Variants in RBM12B observed in about 807,000 individuals in gnomAD.
RBM12B encodes RNA binding motif protein 12B.
A neutral mutation model predicts 34.3 loss-of-function variants in RBM12B; 10 were observed. The observed-to-expected ratio is 0.29, with a 90% confidence interval of 0.18 to 0.49. RBM12B has a LOEUF of 0.49. Ranked by LOEUF, RBM12B falls within the 20% of genes least tolerant of loss-of-function variation. RBM12B has a pLI of 0.99. For synonymous variants in RBM12B, 477 were observed against 437.1 expected (o/e 1.09, Z -1.14); for missense variants, 1,139 against 1,262.7 (o/e 0.90, Z 1.48).
At position 93,733,528 on chromosome 8, in the gene RBM12B, C is replaced by G; in HGVS notation, c.2883G>C (p.Glu961Asp). ...TGGCTTCCCCTGTAGGTAAGCCTTGCTCATTATACTGTATCGAAACTGAAT... is the reference window on the plus strand; with the variant it reads ...TGGCTTCCCCTGTAGGTAAGCCTTGGTCATTATACTGTATCGAAACTGAAT... ...IPDSVSIQYN[E>D]QGLPTGEAIV... The change falls in exon 4 of 4, where the codon GAG (glutamate) becomes GAC (aspartate). Residue 961 changes from glutamate to aspartate, a missense_variant. By Grantham distance (45) the Glu-to-Asp change is conservative. This residue lies in a region of RBM12B where 60 missense variants were observed against 101.0 expected (regional missense o/e 0.59). Coordinates refer to ENST00000520560, the MANE Select transcript of RBM12B (RefSeq NM_001377960.1). The G allele has an allele frequency of 6.2e-7, 1 of 1,612,808 alleles. No homozygotes were observed. The highest frequency in any genetic ancestry group is 8.5e-7 in the Non-Finnish European group (1 of 1,179,124).
chr8:93,733,866 C>T lies in RBM12B; in HGVS notation c.2545G>A (p.Glu849Lys), dbSNP rs1811878502. The T allele has an allele frequency of 6.2e-7, 1 of 1,613,906 alleles. No homozygotes were observed. The highest frequency in any genetic ancestry group is 1.7e-5 in the Admixed American group (1 of 59,990). Residue 849 changes from glutamate to lysine, a missense_variant, in exon 4 of 4, where the codon GAA becomes AAA. Glu to Lys is a moderately conservative substitution (Grantham distance 56). Coordinates refer to ENST00000520560, the MANE Select transcript of RBM12B (RefSeq NM_001377960.1). ...SDEDFRQLPE[E>K]DLREAPEEDP... ...TCCTCCGGAGCTTCCCTAAGGTCTTCCTCTGGGAGCTGCCTGAAGTCCTCA... is the reference window on the plus strand; with the variant it reads ...TCCTCCGGAGCTTCCCTAAGGTCTTTCTCTGGGAGCTGCCTGAAGTCCTCA...
At chr8:93,738,673 G>A (rs1812098605) in intron 2 of RBM12B, among the ~76,000 whole-genome samples, 1 of 152,098 alleles carries the variant, frequency 6.6e-6, no homozygotes, top group Admixed American at 6.6e-5. Context: ...ATGTTGCCCA[G>A]GCTGGTAGGG....
intron 3 of RBM12B, 22 bp from the exon 4 acceptor site, chr8:93,736,460 T>A (rs749657597): frequency 2.7e-6 from 4 of 1,490,346 alleles, no homozygotes. Context: ...AAGGTACACA[T>A]AATAGCAAGT....
Position 93,734,134 on chromosome 8 carries a change from G to C in RBM12B, c.2277C>G (p.Pro759=). 1 of 1,561,244 alleles carries C rather than the reference G, an allele frequency of 6.4e-7. No individual in the cohort carries two copies. The highest frequency in any genetic ancestry group is 8.7e-7 in the Non-Finnish European group (1 of 1,155,906). The change falls in exon 4 of 4, where the codon CCC becomes CCG. Residue 759 remains proline (P), a synonymous_variant. Transcript: ENST00000520560. ...GGGGTGGCCGCCTGAAGTGCTCTGG[G>C]GGTGGCCGCCGGAAGTGCTCTGGGG... The part of the protein sequence containing the change: ...RPPPEHFRRP[P]PEHFRRPPPE...
At position 93,733,285 on chromosome 8, in the gene RBM12B, A is replaced by G; in HGVS notation, c.*120T>C. 2.8e-6 allele frequency: 2 copies of G among 722,674 alleles called. No homozygotes were observed. The highest frequency in any genetic ancestry group is 3.1e-5 in the East Asian group (1 of 32,706). The allele number at this position is 722,674 out of a possible 1,614,324, so 44.8% of individuals were successfully genotyped here. ...TCTACTATTTACATTTGTTCTATTC[A>G]CAGGTCAAAAATAAAATATTTCATT... is the stretch of plus-strand genomic sequence containing the variant. On this transcript the variant is annotated 3_prime_UTR_variant, in exon 4 of 4. Coordinates refer to ENST00000520560, the MANE Select transcript of RBM12B (RefSeq NM_001377960.1).
intron 2 of RBM12B, chr8:93,740,389 A>G (rs1230180602): frequency 2.2e-6 from 1 of 457,316 alleles, no homozygotes; most frequent in Admixed American, 2.3e-5. Flanking sequence ...GCTACGTGGG[A>G]TCCGATGTTG....
intron 2 of RBM12B, among the ~76,000 whole-genome samples, chr8:93,739,847 C>T (rs1391675241): frequency 1.8e-4 from 27 of 152,206 alleles, no homozygotes; most frequent in Admixed American, 1.8e-3. Flanking sequence ...TCCAACGATT[C>T]ATCCCACTTA....
rs1175276817 is a variant in RBM12B, at chr8:93,733,400, T to C, written c.*5A>G. The C allele has an allele frequency of 6.6e-7, 1 of 1,515,378 alleles. No individual in the cohort carries two copies. Among genetic ancestry groups the C allele is most frequent in the Non-Finnish European group, 8.8e-7 (1 of 1,133,316 alleles). The allele number at this position is 1,515,378 out of a possible 1,614,324, so 93.9% of individuals were successfully genotyped here. A position where few individuals can be genotyped will look rare whatever the true frequency, so the allele number is the denominator to read the frequency against. ...AAGATAACTGAATTTAGAAATGCTC[T>C]CTCTCTACAGCAAAGTTAACTTAAC... On this transcript the variant is annotated 3_prime_UTR_variant, in exon 4 of 4. Transcript: ENST00000520560.
rs1440837650 is a variant in RBM12B, at chr8:93,729,986, G to A, written c.*3419C>T. 3 of 152,136 alleles carry A rather than the reference G, an allele frequency of 2.0e-5. No homozygotes were observed. The highest frequency in any genetic ancestry group is 7.2e-5 in the African/African-American group (3 of 41,430). The allele number at this position is 152,136 out of a possible 1,614,324, so 9.4% of individuals were successfully genotyped here. ...ATTTTGGAGTATTTGCATTATACCAGTTCAACATTCCTAACCCAAAAATCT... is the reference window on the plus strand; with the variant it reads ...ATTTTGGAGTATTTGCATTATACCAATTCAACATTCCTAACCCAAAAATCT... On this transcript the variant is annotated 3_prime_UTR_variant, in exon 4 of 4. Coordinates refer to ENST00000520560, the MANE Select transcript of RBM12B (RefSeq NM_001377960.1).
chr8:93,734,885 T>C lies in RBM12B; in HGVS notation c.1526A>G (p.His509Arg). 1 of 1,614,080 alleles carries C rather than the reference T, an allele frequency of 6.2e-7. No individual in the cohort carries two copies. Among genetic ancestry groups the C allele is most frequent in the Non-Finnish European group, 8.5e-7 (1 of 1,179,994 alleles). The change falls in exon 4 of 4, where the codon CAT becomes CGT. Residue 509 changes from histidine (H) to arginine (R), a missense_variant. Around this residue, in one of 3 missense-constraint regions of RBM12B, gnomAD observed 863 missense variants for 869.5 expected, o/e 0.99. Transcript: ENST00000520560. ...SQSRERGDHS[H>R]LFDSKDPPIY... ...TGGTGGGTCTTTTGAGTCAAATAAATGGGAATGGTCACCTCGCTCACGTGA... is the reference window on the plus strand; with the variant it reads ...TGGTGGGTCTTTTGAGTCAAATAAACGGGAATGGTCACCTCGCTCACGTGA...
Position 93,735,591 on chromosome 8 carries a change from T to G in RBM12B, c.820A>C (p.Arg274=), listed in dbSNP as rs1427729752. ...AGAGGGGAACGAGAACGTGTTCTTC[T>G]GGGAGATTTTGAATGAGACCGTTTT... ...FRKRSHSKSP[R]RTRSRSPLGF... Residue 274 remains arginine (R), a synonymous_variant, in exon 4 of 4, where the codon AGA becomes CGA. Coordinates refer to ENST00000520560, the MANE Select transcript of RBM12B (RefSeq NM_001377960.1). 6 of 1,614,170 alleles carry G rather than the reference T, an allele frequency of 3.7e-6. No homozygotes were observed. Among genetic ancestry groups the G allele is most frequent in the Non-Finnish European group, 5.1e-6 (6 of 1,180,020 alleles).
In RBM12B at chr8:93,737,826, AAAAG is replaced by A. The variant is rs1302490335; in HGVS notation, c.-77-475_-77-472del. Among the ~76,000 whole-genome samples, 27 of 145,498 alleles carry A rather than the reference AAAAG, an allele frequency of 1.9e-4. 1 individual carries two copies. In the South Asian group the frequency reaches 4.5e-3, roughly 24 times the overall value. On this transcript the variant is annotated intron_variant, in intron 2 of 3. Coordinates refer to ENST00000520560, the MANE Select transcript of RBM12B (RefSeq NM_001377960.1). ...AAAGTTCAAAAAAAAAAAAAAAAAA[AAAAG>A]AACTTCAATCATTTTGCCACATGAA... is the stretch of plus-strand genomic sequence containing the variant.
At position 93,734,531 on chromosome 8, in the gene RBM12B, C is replaced by G; in HGVS notation, c.1880G>C (p.Trp627Ser). The G allele has an allele frequency of 6.2e-7, 1 of 1,612,128 alleles. No homozygotes were observed. The highest frequency in any genetic ancestry group is 8.5e-7 in the Non-Finnish European group (1 of 1,179,262). Residue 627 changes from tryptophan (W) to serine (S), a missense_variant, in exon 4 of 4, where the codon TGG (tryptophan) becomes TCG (serine). Physicochemically the swap from Trp to Ser is radical, Grantham distance 177. Transcript: ENST00000520560. ...GAAATCCTCCTCCAGTGGCCGCCTCCAGTCCTCCTCAAGGGGCCTCCTCCA... is the reference window on the plus strand; with the variant it reads ...GAAATCCTCCTCCAGTGGCCGCCTCGAGTCCTCCTCAAGGGGCCTCCTCCA... Reference protein sequence around the residue: ...EDWRRPLEEDWRRPLEEDFRR... With the variant: ...EDWRRPLEEDSRRPLEEDFRR...
In RBM12B at chr8:93,735,101, T is replaced by C; in HGVS notation, c.1310A>G (p.Lys437Arg). 1 of 1,614,158 alleles carries C rather than the reference T, an allele frequency of 6.2e-7. No homozygotes were observed. Among genetic ancestry groups the C allele is most frequent in the Non-Finnish European group, 8.5e-7 (1 of 1,180,030 alleles). ...EDDIYLLYDD[K>R]GVGLGEALVK... Reference sequence around the variant, plus strand: ...TAATGCTTCTCCCAGACCAACACCTTTGTCATCATAAAGCAAGTAAATGTC... The same window carrying C: ...TAATGCTTCTCCCAGACCAACACCTCTGTCATCATAAAGCAAGTAAATGTC... Residue 437 changes from lysine to arginine, a missense_variant, in exon 4 of 4, where the codon AAA becomes AGA. Around this residue, in one of 3 missense-constraint regions of RBM12B, gnomAD observed 863 missense variants for 869.5 expected, o/e 0.99. Coordinates refer to ENST00000520560, the MANE Select transcript of RBM12B (RefSeq NM_001377960.1).
chr8:93,734,149 G>GTGCTCTGGGGGAGGCCGCCTAAAA lies in RBM12B; in HGVS notation c.2238_2261dup (p.Pro776_Pro783dup). On this transcript the variant is annotated inframe_insertion, in exon 4 of 4. Transcript: ENST00000520560. ...AGTGCTCTGGGGGTGGCCGCCGGAAGTGCTCTGGGGGAGGCCGCCTAAAAT... is the reference window on the plus strand; with the variant it reads ...AGTGCTCTGGGGGTGGCCGCCGGAAGTGCTCTGGGGGAGGCCGCCTAAAATGCTCTGGGGGAGGCCGCCTAAAAT... The GTGCTCTGGGGGAGGCCGCCTAAAA allele has an allele frequency of 6.4e-7, 1 of 1,560,560 alleles. No homozygotes were observed. The highest frequency in any genetic ancestry group is 8.7e-7 in the Non-Finnish European group (1 of 1,155,570).
intron 2 of RBM12B, chr8:93,740,022 G>T: frequency 3.3e-6 from 1 of 301,124 alleles, no homozygotes. Flanking sequence ...GATATGGTGA[G>T]GGAGAGAATT....
Position 93,728,949 on chromosome 8 carries a change from T to A in RBM12B, c.*4456A>T, listed in dbSNP as rs1811676319. 1 of 152,102 alleles carries A rather than the reference T, an allele frequency of 6.6e-6. No individual in the cohort carries two copies. The highest frequency in any genetic ancestry group is 2.4e-5 in the African/African-American group (1 of 41,440). 9.4% of individuals were successfully genotyped at this position (152,102 alleles called of 1,614,324 possible). ...ATAATTATACATGATACTGCAACTT[T>A]TGGAAGGCTAATTTGGTGGAATGTT... On this transcript the variant is annotated 3_prime_UTR_variant, in exon 4 of 4. Coordinates refer to ENST00000520560, the MANE Select transcript of RBM12B (RefSeq NM_001377960.1).
chr8:93,735,024 G>C lies in RBM12B; in HGVS notation c.1387C>G (p.Arg463Gly). The C allele has an allele frequency of 6.2e-7, 1 of 1,613,950 alleles. No individual in the cohort carries two copies. Among genetic ancestry groups the C allele is most frequent in the South Asian group, 1.1e-5 (1 of 91,070 alleles). ...QAMKAERLNR[R>G]RFLGTEVLLR... is the part of the protein sequence containing the mutation. ...AACACCTCTGTCCCTAGGAATCTTC[G>C]TCGGTTTAAACGTTCAGCTTTCATG... The change falls in exon 4 of 4, where the codon CGA becomes GGA. Residue 463 changes from arginine to glycine, a missense_variant. By Grantham distance (125) the Arg-to-Gly change is moderately radical. This residue lies in a region of RBM12B where 863 missense variants were observed against 869.5 expected (regional missense o/e 0.99). Coordinates refer to ENST00000520560, the MANE Select transcript of RBM12B (RefSeq NM_001377960.1).
intron 3 of RBM12B, among the ~76,000 whole-genome samples, chr8:93,737,035 G>A (rs970742265): frequency 5.3e-5 from 8 of 152,078 alleles, no homozygotes; most frequent in South Asian, 4.1e-4. Context: ...GCGAGAGCCC[G>A]TCTCTAAAAA....
Sources: gnomAD v4.1 joint callset for allele counts (sites outside exome capture counted in the v4.1 genomes callset) on GRCh38, gnomAD v4.1.1 for gene constraint, gnomAD v4.1.1 regional missense constraint, MANE v1.5 for transcripts, NCBI Gene and HGNC (gene_info 2026-07-23, HGNC 2026-07-21) for gene names.